Variants in MID1 observed in about 807,000 individuals in gnomAD.
MID1 encodes the protein E3 ubiquitin-protein ligase Midline-1.
Under a neutral mutation model 40.4 loss-of-function variants are expected in MID1, and 7 were observed. That is an observed-to-expected ratio of 0.17 (90% confidence interval 0.10 to 0.33). MID1 has a LOEUF of 0.33. Ranked by LOEUF, MID1 falls within the 10% of genes least tolerant of loss-of-function variation. The pLI is 1.00. For missense variants in MID1, 367 were observed against 558.5 expected, an observed-to-expected ratio of 0.66 and a Z score of 3.46; for synonymous variants, 229 against 221.2, an observed-to-expected ratio of 1.04 and a Z score of -0.31.
rs573172854 is a variant in MID1 at position 10,729,507 on chromosome X, C to T, written c.-187+104047G>A. Among the ~76,000 whole-genome samples the T allele has an allele frequency of 8.9e-5, 10 of 111,837 alleles. No individual in the cohort carries two copies. The East Asian group carries it at 2.2e-3, about 25-fold the overall frequency. ...AAAAAAAATACACTTACAAATTAAACGTTTCATCCTTTAATTTTATAAATG... is the reference window on the plus strand; with the variant it reads ...AAAAAAAATACACTTACAAATTAAATGTTTCATCCTTTAATTTTATAAATG... On this transcript the variant is annotated intron_variant, in intron 1 of 10. Transcript: ENST00000380785.
intron 1 of MID1, among the ~76,000 whole-genome samples, chrX:10,568,466 AT>A (rs1934633493): frequency 9.0e-6 from 1 of 111,650 alleles, no homozygotes; most frequent in Admixed American, 9.5e-5. Context: ...GTGATAAGTT[AT>A]GTTATGACAA....
chrX:10,687,809 G>A (rs2043109692), intron 1 of MID1, among the ~76,000 whole-genome samples: 1 of 111,376 alleles, frequency 9.0e-6, no homozygotes, highest in African/African-American at 3.3e-5. Context: ...GACCTCCCAG[G>A]CTCAAGCAAT....
At chrX:10,705,826 A>G (rs2043227384) in intron 1 of MID1, among the ~76,000 whole-genome samples, 1 of 112,393 alleles carries the variant, frequency 8.9e-6, no homozygotes, top group Admixed American at 9.4e-5. Flanking sequence ...CCACTGGCCA[A>G]TCTGCTAATT....
chrX:10,760,200 G>T (rs183741115), intron 1 of MID1, among the ~76,000 whole-genome samples: 27 of 111,699 alleles, frequency 2.4e-4, no homozygotes, highest in African/African-American at 8.5e-4. Context: ...TGCACTCGGG[G>T]GGAAGTAAGA....
At chrX:10,560,566 A>T in intron 2 of MID1, among the ~76,000 whole-genome samples, 1 of 111,219 alleles carries the variant, frequency 9.0e-6, no homozygotes, top group Non-Finnish European at 1.9e-5. Context: ...GAGCATTCCT[A>T]TATACCAATA....
In MID1 at chrX:10,636,785, G is replaced by GAGATATATATAT. The variant is rs757390504; in HGVS notation, c.-186-16367_-186-16366insATATATATATCT. Among the ~76,000 whole-genome samples, 46 of 42,711 alleles carry GAGATATATATAT rather than the reference G, an allele frequency of 1.1e-3. 1 individual carries two copies. Among genetic ancestry groups the GAGATATATATAT allele is most frequent in the Non-Finnish European group, 1.5e-3 (36 of 24,761 alleles). The allele number at this position is 42,711 out of a possible 115,157, so 37.1% of individuals were successfully genotyped here. On this transcript the variant is annotated intron_variant, in intron 1 of 10. Transcript: ENST00000380785. ...CAAACTGGGCCATTCCAACAATGGG[G>GAGATATATATAT]ATATATATATATATATATATATATA...
intron 1 of MID1, among the ~76,000 whole-genome samples, chrX:10,710,845 A>AT (rs2043262439): frequency 8.9e-6 from 1 of 111,816 alleles, no homozygotes; most frequent in Admixed American, 9.5e-5. Flanking sequence ...CTGACTTTCA[A>AT]TCCCCCTTTC....
chrX:10,572,642 C>CAA (rs768797649), intron 1 of MID1, among the ~76,000 whole-genome samples: 2 of 82,749 alleles, frequency 2.4e-5, no homozygotes, highest in African/African-American at 4.4e-5. Context: ...TTCCATGCCT[C>CAA]AAAAAAAAAA....
intron 2 of MID1, among the ~76,000 whole-genome samples, chrX:10,565,841 G>A (rs887338803): frequency 3.1e-5 from 3 of 97,138 alleles, no homozygotes; most frequent in Admixed American, 1.2e-4. Flanking sequence ...AGAGAGTCTC[G>A]CTCTTTCACC....
chrX:10,729,940 C>T (rs993190429), intron 1 of MID1, among the ~76,000 whole-genome samples: 3 of 109,474 alleles, frequency 2.7e-5, no homozygotes, highest in South Asian at 4.0e-4. Context: ...AAAAATTAGC[C>T]GGGCGTGGTG....
chrX:10,599,245 T>C (rs897727576), intron 1 of MID1, among the ~76,000 whole-genome samples: 1 of 112,145 alleles, frequency 8.9e-6, no homozygotes, highest in East Asian at 2.8e-4. Flanking sequence ...ACCTGGCTTA[T>C]TTAGTGCTTA....
intron 2 of MID1, 96 bp from the exon 3 acceptor site, chrX:10,523,283 CA>C: frequency 1.7e-6 from 1 of 605,689 alleles, no homozygotes. Context: ...AAAACTGATA[CA>C]TTTTTCAGAA....
At chrX:10,554,815 A>G (rs1934057075) in intron 2 of MID1, among the ~76,000 whole-genome samples, 1 of 111,266 alleles carries the variant, frequency 9.0e-6, no homozygotes, top group African/African-American at 3.3e-5. Context: ...AAGCCTGCCC[A>G]TTTCACTCTT....
intron 1 of MID1, among the ~76,000 whole-genome samples, chrX:10,720,926 T>G (rs968578956): frequency 2.7e-5 from 3 of 109,346 alleles, no homozygotes; most frequent in African/African-American, 1.0e-4. Flanking sequence ...GAAACCATCA[T>G]TCTCAGCAAA....
At chrX:10,566,522 C>CCTCTCTCTCCCTCTCTCTCTCCCTCT (rs764631225) in intron 2 of MID1, among the ~76,000 whole-genome samples, 3 of 82,262 alleles carry the variant, frequency 3.6e-5, no homozygotes, top group African/African-American at 2.0e-4. Context: ...CCTCTCTCTC[C>CCTCTCTCTCCCTCTCTCTCTCCCTCT]CTCTCTCTCC....
chrX:10,686,334 G>A (rs185495880), intron 1 of MID1, among the ~76,000 whole-genome samples: 2 of 111,185 alleles, frequency 1.8e-5, no homozygotes, highest in Non-Finnish European at 3.8e-5. Context: ...ATATGCCCAA[G>A]AGACTAGGCT....
intron 1 of MID1, among the ~76,000 whole-genome samples, chrX:10,790,349 A>G (rs775612835): frequency 1.8e-5 from 2 of 108,510 alleles, no homozygotes; most frequent in Non-Finnish European, 3.8e-5. Flanking sequence ...GGGTCTCACT[A>G]TGTTGCCCAG....
At chrX:10,727,829 G>T (rs2043405536) in intron 1 of MID1, among the ~76,000 whole-genome samples, 1 of 111,807 alleles carries the variant, frequency 8.9e-6, no homozygotes, top group Non-Finnish European at 1.9e-5. Context: ...AAGCAGTGCT[G>T]GCCTTTCCTG....
At chrX:10,638,434 G>T (rs972088600) in intron 1 of MID1, among the ~76,000 whole-genome samples, 3 of 112,014 alleles carry the variant, frequency 2.7e-5, no homozygotes, top group African/African-American at 9.7e-5. Context: ...AGATCGAACT[G>T]CAAGGTGGCA....
Sources: gnomAD v4.1 joint callset for allele counts (sites outside exome capture counted in the v4.1 genomes callset) on GRCh38, gnomAD v4.1.1 for gene constraint, MANE v1.5 for transcripts, NCBI Gene and HGNC (gene_info 2026-07-23, HGNC 2026-07-21) for gene names.